The following MARCHF10 variants were observed in gnomAD, a reference collection of about 807,000 sequenced individuals.
MARCHF10 encodes the protein probable E3 ubiquitin-protein ligase MARCHF10.
A neutral mutation model predicts 76.2 loss-of-function variants in MARCHF10; 64 were observed. The observed-to-expected ratio is 0.84, with a 90% CI of 0.69 to 1.03. MARCHF10 has a LOEUF of 1.03. MARCHF10 is among the 50% of genes least tolerant of loss of function. MARCHF10 has a pLI of 0.00. For missense variants in MARCHF10, 875 were observed against 958.0 expected (o/e 0.91, Z 1.14); for synonymous variants, 340 against 357.5 (o/e 0.95, Z 0.55).
chr17:62,703,904 G>GA (rs1184457335), intron 10 of MARCHF10, among the ~76,000 whole-genome samples: 1 of 152,208 alleles, frequency 6.6e-6, no homozygotes, highest in Non-Finnish European at 1.5e-5. Context: ...GGTGTGCGGG[G>GA]AAAGGCTCGG....
intron 4 of MARCHF10, among the ~76,000 whole-genome samples, chr17:62,754,733 A>G (rs2091991396): frequency 6.6e-6 from 1 of 152,020 alleles, no homozygotes. Flanking sequence ...ATAATAGAGA[A>G]TATGATTCTC....
intron 5 of MARCHF10, among the ~76,000 whole-genome samples, chr17:62,742,266 C>T (rs1472372198): frequency 6.8e-6 from 1 of 146,506 alleles, no homozygotes; most frequent in Non-Finnish European, 1.5e-5. Context: ...ATGATCCGCC[C>T]ACCTCAGCCT....
At position 62,785,596 on chromosome 17, in the gene MARCHF10, A is replaced by C. The variant is rs1362053580; in HGVS notation, c.210+2884T>G. 2.6e-5 allele frequency among the ~76,000 whole-genome samples: 4 copies of C among 152,246 alleles called. No individual in the cohort carries two copies. In the East Asian group the frequency reaches 7.7e-4, roughly 29 times the overall value. ...CCATTAGAGTGAACAGGCAACCTACAGAATGGGAGAAAATTTTTGCAATCT... is the reference window on the plus strand; with the variant it reads ...CCATTAGAGTGAACAGGCAACCTACCGAATGGGAGAAAATTTTTGCAATCT... On this transcript the variant is annotated intron_variant, in intron 3 of 10. Coordinates refer to ENST00000311269, the MANE Select transcript of MARCHF10 (RefSeq NM_152598.4).
At chr17:62,772,716 C>T (rs78988034) in intron 3 of MARCHF10, among the ~76,000 whole-genome samples, 4,146 of 152,266 alleles carry the variant, frequency 0.027, 65 homozygotes, top group East Asian at 0.059. Flanking sequence ...AAAAATTACA[C>T]CTTTATTTTC....
chr17:62,804,628 T>C (rs2093134212), intron 1 of MARCHF10, among the ~76,000 whole-genome samples: 1 of 151,980 alleles, frequency 6.6e-6, no homozygotes, highest in Non-Finnish European at 1.5e-5. Flanking sequence ...GGCGTGGAGA[T>C]CATGCTTTCA....
At chr17:62,746,807 C>G in intron 4 of MARCHF10, 1 of 1,148,752 alleles carries the variant, frequency 8.7e-7, no homozygotes, top group Non-Finnish European at 1.2e-6. Flanking sequence ...TCCCACGCAC[C>G]CCAGGCAGCA....
intron 7 of MARCHF10, among the ~76,000 whole-genome samples, chr17:62,723,559 C>CCTTT (rs2090598529): frequency 1.2e-5 from 1 of 80,370 alleles, no homozygotes; most frequent in South Asian, 4.3e-4. Context: ...GTTCGCTTGA[C>CCTTT]TTTTTTTTTT....
intron 2 of MARCHF10, among the ~76,000 whole-genome samples, chr17:62,794,038 C>T (rs1415060168): frequency 6.7e-6 from 1 of 150,308 alleles, no homozygotes; most frequent in Non-Finnish European, 1.5e-5. Context: ...CCATTTCCAT[C>T]ACATCTCCAT....
rs750587039 is a variant in MARCHF10 at position 62,711,973 on chromosome 17, G to A, written c.2215-629C>T. Among the ~76,000 whole-genome samples the A allele has an allele frequency of 1.3e-5, 2 of 151,956 alleles. No homozygotes were observed. Among genetic ancestry groups the A allele is most frequent in the Non-Finnish European group, 2.9e-5 (2 of 68,000 alleles). On this transcript the variant is annotated intron_variant, in intron 8 of 10. Transcript: ENST00000311269. The surrounding 1 kb of genome is among the most constrained non-coding windows in gnomAD (Gnocchi z 4.4). ...AGGAGTGGGCTGTGCTTTTTTTCTC[G>A]CTGGTGCTCAGAACAGGCGCTACAC...
intron 6 of MARCHF10, among the ~76,000 whole-genome samples, chr17:62,730,719 C>A (rs1274915153): frequency 6.6e-6 from 1 of 152,084 alleles, no homozygotes; most frequent in Non-Finnish European, 1.5e-5. Flanking sequence ...TGTGGTGAAA[C>A]CCTGTCTCTA....
At chr17:62,771,327 T>C (rs948600712) in intron 3 of MARCHF10, among the ~76,000 whole-genome samples, 3 of 151,854 alleles carry the variant, frequency 2.0e-5, no homozygotes, top group Admixed American at 1.3e-4. Context: ...TCAGCTGCAA[T>C]CTCAGGCATG....
chr17:62,799,195 A>T (rs1374464075), intron 2 of MARCHF10, among the ~76,000 whole-genome samples: 1 of 152,146 alleles, frequency 6.6e-6, no homozygotes, highest in East Asian at 1.9e-4. Context: ...CCGCCTCTCC[A>T]TCTATCAGCA....
intron 5 of MARCHF10, among the ~76,000 whole-genome samples, chr17:62,742,972 G>A (rs775890444): frequency 5.3e-5 from 8 of 152,132 alleles, no homozygotes; most frequent in Non-Finnish European, 1.2e-4. Flanking sequence ...TTCATTAAGG[G>A]TTGTTGGCAG....
intron 6 of MARCHF10, among the ~76,000 whole-genome samples, chr17:62,732,308 G>T (rs917059034): frequency 6.6e-6 from 1 of 152,138 alleles, no homozygotes; most frequent in African/African-American, 2.4e-5. Context: ...AGGGAAGGAG[G>T]CTTACATCAT....
At position 62,804,846 on chromosome 17, in the gene MARCHF10, CA is replaced by C. The variant is rs1432377310; in HGVS notation, c.-17-3095del. On this transcript the variant is annotated intron_variant, in intron 1 of 10. Coordinates refer to ENST00000311269, the MANE Select transcript of MARCHF10 (RefSeq NM_152598.4). ...TATTTTTTACAACTGCTGTGTGTGA[CA>C]AGGGCTGCTAGGCTCTGGGGAAACA... 2.6e-5 allele frequency: 4 copies of C among 152,226 alleles called. No homozygotes were observed. In the East Asian group the frequency reaches 7.7e-4, roughly 29 times the overall value. The allele number at this position is 152,226 out of a possible 1,614,324, so 9.4% of individuals were successfully genotyped here.
chr17:62,747,106 G>A (rs939897489), intron 4 of MARCHF10: 7 of 694,294 alleles, frequency 1.0e-5, no homozygotes, highest in African/African-American at 8.9e-5. Flanking sequence ...AATGAGGATC[G>A]TCTCTCAGCC....
chr17:62,728,220 G>T (rs2090854291), intron 6 of MARCHF10, among the ~76,000 whole-genome samples: 2 of 151,980 alleles, frequency 1.3e-5, no homozygotes, highest in African/African-American at 2.4e-5. Flanking sequence ...TAGAAACAGG[G>T]TCTCCATTGT....
At chr17:62,769,897 T>A (rs969583233) in intron 3 of MARCHF10, among the ~76,000 whole-genome samples, 24 of 152,212 alleles carry the variant, frequency 1.6e-4, no homozygotes, top group African/African-American at 3.9e-4. Context: ...AGTTGGCTTT[T>A]AAAAATTTTT....
chr17:62,740,109 G>A (rs539651685), intron 5 of MARCHF10, among the ~76,000 whole-genome samples: 42 of 151,956 alleles, frequency 2.8e-4, no homozygotes, highest in African/African-American at 9.2e-4. Flanking sequence ...TCCCCTAAAG[G>A]TGGCAGACTG....
Sources: allele counts gnomAD v4.1 joint callset (sites outside exome capture counted in the v4.1 genomes callset), GRCh38; gene constraint gnomAD v4.1.1; non-coding constraint Gnocchi (gnomAD v3.1); transcripts MANE v1.5; gene names NCBI Gene and HGNC (gene_info 2026-07-23, HGNC 2026-07-21).